The following ASIC2 variants were observed in gnomAD, a reference collection of about 807,000 sequenced individuals.
The protein encoded by ASIC2 is acid sensing ion channel subunit 2, also known as acid-sensing ion channel 2.
In ASIC2, 25 loss-of-function variants were observed where a neutral mutation model predicts 57.3. That is an observed-to-expected ratio of 0.44 (90% CI 0.32 to 0.61). ASIC2 has a LOEUF of 0.61. Ranked by LOEUF, ASIC2 falls within the 20% of genes least tolerant of loss-of-function variation. The pLI is 0.06. For missense variants in ASIC2, 641 were observed against 738.1 expected (o/e 0.87, Z 1.52); for synonymous variants, 319 against 307.5 (o/e 1.04, Z -0.39).
At chr17:33,596,528 C>T (rs141383321) in intron 1 of ASIC2, among the ~76,000 whole-genome samples, 1 of 152,128 alleles carries the variant, frequency 6.6e-6, no homozygotes, top group Non-Finnish European at 1.5e-5. Flanking sequence ...CTTTTTCTAC[C>T]TTCCCAGTTT....
intron 1 of ASIC2, among the ~76,000 whole-genome samples, chr17:33,305,606 A>T (rs1422198766): frequency 6.6e-6 from 1 of 152,244 alleles, no homozygotes; most frequent in Non-Finnish European, 1.5e-5. Context: ...CACACATTTC[A>T]AATAGTCCCG....
intron 3 of ASIC2, among the ~76,000 whole-genome samples, chr17:33,083,720 T>C (rs1325295490): frequency 2.0e-5 from 3 of 152,140 alleles, no homozygotes; most frequent in Non-Finnish European, 4.4e-5. Context: ...TTCTGCATCA[T>C]TGGGATGTAG....
At chr17:34,021,810 T>G (rs1189304771) in intron 1 of ASIC2, among the ~76,000 whole-genome samples, 2 of 151,756 alleles carry the variant, frequency 1.3e-5, no homozygotes, top group Non-Finnish European at 2.9e-5. Flanking sequence ...GGGGCTTTTT[T>G]TTGTTGTTGG....
chr17:33,187,225 T>C (rs914244384), intron 1 of ASIC2, among the ~76,000 whole-genome samples: 4 of 152,202 alleles, frequency 2.6e-5, no homozygotes, highest in Non-Finnish European at 5.9e-5. Context: ...TGACAACACC[T>C]GACCACATGT....
intron 1 of ASIC2, among the ~76,000 whole-genome samples, chr17:33,490,680 G>A (rs903878457): frequency 1.3e-4 from 20 of 152,272 alleles, no homozygotes; most frequent in African/African-American, 4.3e-4. Flanking sequence ...GGCCTCCCCA[G>A]CCACGTGGAA....
intron 1 of ASIC2, among the ~76,000 whole-genome samples, chr17:33,502,322 G>T (rs1054099847): frequency 6.6e-6 from 1 of 152,200 alleles, no homozygotes; most frequent in Non-Finnish European, 1.5e-5. Context: ...TTCCTGCTGT[G>T]TCTGAGTACC....
At chr17:33,788,459 T>A (rs1024341529) in intron 1 of ASIC2, among the ~76,000 whole-genome samples, 1 of 152,172 alleles carries the variant, frequency 6.6e-6, no homozygotes, top group South Asian at 2.1e-4. Context: ...TTGGTGGGAA[T>A]GTAAATTAGT....
At chr17:33,751,792 C>T (rs1038450958) in intron 1 of ASIC2, among the ~76,000 whole-genome samples, 1 of 151,962 alleles carries the variant, frequency 6.6e-6, no homozygotes, top group African/African-American at 2.4e-5. Flanking sequence ...GATGGAGGGT[C>T]AGGGGAGCTG....
intron 1 of ASIC2, among the ~76,000 whole-genome samples, chr17:33,643,361 C>T (rs1051009013): frequency 4.6e-5 from 7 of 152,302 alleles, no homozygotes; most frequent in African/African-American, 1.4e-4. Flanking sequence ...TGCTCTATGA[C>T]ATTTTCTATG....
chr17:33,709,313 C>T (rs1908955925), intron 1 of ASIC2, among the ~76,000 whole-genome samples: 1 of 152,214 alleles, frequency 6.6e-6, no homozygotes, highest in South Asian at 2.1e-4. Flanking sequence ...TCTGAATCCC[C>T]AGAAACTGTG....
In ASIC2 at chr17:33,729,917, C is replaced by A. The variant is rs556634552; in HGVS notation, c.555+426061G>T. 1.7e-4 allele frequency among the ~76,000 whole-genome samples: 26 copies of A among 152,244 alleles called. No individual in the cohort carries two copies. The South Asian group carries it at 5.4e-3, about 32-fold the overall frequency. ...TTCAAAAACATTGCTAAATGCTTAC[C>A]TTATACTTGCTAGAAAAAAGCAAAG... On this transcript the variant is annotated intron_variant, in intron 1 of 9. Coordinates refer to the ASIC2 transcript ENST00000359872.
chr17:34,053,855 A>T (rs1256911526), intron 1 of ASIC2, among the ~76,000 whole-genome samples: 1 of 152,214 alleles, frequency 6.6e-6, no homozygotes. Context: ...TAATTGGCAG[A>T]TATTGTTGGT....
At position 33,016,081 on chromosome 17, in the gene ASIC2, G is replaced by T. The variant is rs750032103; in HGVS notation, c.1522-42C>A. ...AAGGGGTTGGTCAGGCCGGGAAGAG[G>T]GTGCAGAGGCAGAAGGGACCTCCCT... On this transcript the variant is annotated intron_variant, in intron 8 of 9. Transcript: ENST00000225823. The T allele has an allele frequency of 2.9e-5, 46 of 1,604,866 alleles. No individual in the cohort carries two copies. In the Middle Eastern group the frequency reaches 5.8e-4, roughly 20 times the overall value.
At chr17:33,534,993 G>A (rs1428865455) in intron 1 of ASIC2, among the ~76,000 whole-genome samples, 3 of 152,168 alleles carry the variant, frequency 2.0e-5, no homozygotes, top group South Asian at 2.1e-4. Context: ...CCTTAGCAGC[G>A]CAGAAATCCT....
intron 1 of ASIC2, among the ~76,000 whole-genome samples, chr17:33,306,893 C>G (rs1018439369): frequency 6.6e-6 from 1 of 152,150 alleles, no homozygotes; most frequent in African/African-American, 2.4e-5. Flanking sequence ...GCTTTTGGGG[C>G]AACGAGGCAG....
At chr17:33,863,991 CCT>C (rs1288916548) in intron 1 of ASIC2, among the ~76,000 whole-genome samples, 12 of 151,878 alleles carry the variant, frequency 7.9e-5, no homozygotes, top group African/African-American at 2.9e-4. Flanking sequence ...GCAACCTCCA[CCT>C]CCCAGGTTCA....
chr17:33,563,329 T>G (rs910112383), intron 1 of ASIC2, among the ~76,000 whole-genome samples: 1 of 152,192 alleles, frequency 6.6e-6, no homozygotes, highest in Non-Finnish European at 1.5e-5. Context: ...TTATTTTTCC[T>G]GTGTTATGGT....
intron 1 of ASIC2, among the ~76,000 whole-genome samples, chr17:33,963,428 G>C (rs995764617): frequency 6.6e-6 from 1 of 152,152 alleles, no homozygotes; most frequent in Non-Finnish European, 1.5e-5. Context: ...ATGAAGCACA[G>C]AGAGAAAAAT....
At position 33,783,618 on chromosome 17, in the gene ASIC2, C is replaced by T. The variant is rs1362924164; in HGVS notation, c.555+372360G>A. ...TTAGGTGGTGTCTGGGCCACCCATCCCTACCTTAATCAGACTGGCTCTCCT... is the reference window on the plus strand; with the variant it reads ...TTAGGTGGTGTCTGGGCCACCCATCTCTACCTTAATCAGACTGGCTCTCCT... On this transcript the variant is annotated intron_variant, in intron 1 of 9. Coordinates refer to the ASIC2 transcript ENST00000359872. Among the ~76,000 whole-genome samples, 6 of 152,322 alleles carry T rather than the reference C, an allele frequency of 3.9e-5. No homozygotes were observed. In the East Asian group the frequency reaches 1.2e-3, roughly 29 times the overall value.
Sources: allele counts gnomAD v4.1 joint callset (sites outside exome capture counted in the v4.1 genomes callset), GRCh38; gene constraint gnomAD v4.1.1; transcripts MANE v1.5; gene names NCBI Gene and HGNC (gene_info 2026-07-23, HGNC 2026-07-21).